Variants in DOCK1 observed in about 807,000 individuals in gnomAD.
DOCK1 encodes the protein dedicator of cytokinesis 1.
A neutral mutation model predicts 262.7 loss-of-function variants in DOCK1; 138 were observed. The observed-to-expected ratio is 0.53, with a 90% CI of 0.46 to 0.61. DOCK1 has a LOEUF of 0.61. Among genes scored for constraint, DOCK1 ranks in the 20% least tolerant of loss-of-function variants. DOCK1 has a pLI of 0.00. For synonymous variants in DOCK1, 866 were observed against 867.4 expected, an observed-to-expected ratio of 1.00 and a Z score of 0.03; for missense variants, 1,908 against 2,370.7, an observed-to-expected ratio of 0.80 and a Z score of 4.05.
chr10:127,312,844 A>C, intron 29 of DOCK1, among the ~76,000 whole-genome samples: 2 of 115,108 alleles, frequency 1.7e-5, no homozygotes, highest in Non-Finnish European at 1.8e-5. Flanking sequence ...CCTCCCTTCC[A>C]CTGAACAACT....
chr10:127,103,099 C>T (rs1564805138), intron 23 of DOCK1, among the ~76,000 whole-genome samples: 2 of 152,176 alleles, frequency 1.3e-5, no homozygotes, highest in East Asian at 1.9e-4. Flanking sequence ...GTGTCGTTCA[C>T]GTGCATCTGT....
At chr10:127,221,617 A>G (rs767301373) in intron 27 of DOCK1, among the ~76,000 whole-genome samples, 8 of 152,120 alleles carry the variant, frequency 5.3e-5, no homozygotes, top group Non-Finnish European at 8.8e-5. Context: ...CTCATAATAC[A>G]TGATGTAATT....
intron 29 of DOCK1, among the ~76,000 whole-genome samples, chr10:127,320,577 G>A (rs565444390): frequency 9.2e-5 from 14 of 152,310 alleles, no homozygotes; most frequent in African/African-American, 3.4e-4. Flanking sequence ...TGGGCTCAAG[G>A]CGGATGGAGT....
chr10:126,908,739 G>A (rs11245223), intron 1 of DOCK1, among the ~76,000 whole-genome samples: 55,261 of 151,954 alleles, frequency 0.36, 12,075 homozygotes, highest in Non-Finnish European at 0.5. Context: ...TCATGTTTAC[G>A]GGCCTGGCAT....
At chr10:127,422,723 G>A (rs1477947565) in intron 46 of DOCK1, among the ~76,000 whole-genome samples, 1 of 152,164 alleles carries the variant, frequency 6.6e-6, no homozygotes, top group Admixed American at 6.5e-5. Context: ...AAGTGGGAGA[G>A]AGTTTAAAAT....
At chr10:127,193,935 C>A (rs551338918) in intron 27 of DOCK1, among the ~76,000 whole-genome samples, 1 of 152,264 alleles carries the variant, frequency 6.6e-6, no homozygotes, top group South Asian at 2.1e-4. Context: ...GCCTTGTTAG[C>A]CTATTTCTTA....
At chr10:127,388,411 G>T (rs1337242759) in intron 38 of DOCK1, among the ~76,000 whole-genome samples, 1 of 152,190 alleles carries the variant, frequency 6.6e-6, no homozygotes, top group Non-Finnish European at 1.5e-5. Flanking sequence ...TGAAGAACAG[G>T]TGCTGGAAAG....
intron 46 of DOCK1, among the ~76,000 whole-genome samples, chr10:127,423,657 C>T (rs940040902): frequency 7.9e-5 from 12 of 152,106 alleles, no homozygotes; most frequent in African/African-American, 2.7e-4. Flanking sequence ...TTGAAATGTA[C>T]GAAGATGAAA....
intron 29 of DOCK1, among the ~76,000 whole-genome samples, chr10:127,258,379 T>G (rs2059900407): frequency 6.6e-6 from 1 of 152,262 alleles, no homozygotes; most frequent in African/African-American, 2.4e-5. Flanking sequence ...AAATGTTACA[T>G]AAGTGTAATC....
intron 28 of DOCK1, among the ~76,000 whole-genome samples, chr10:127,256,069 C>T (rs569059295): frequency 6.6e-6 from 1 of 152,284 alleles, no homozygotes; most frequent in African/African-American, 2.4e-5. Flanking sequence ...TTGATTTTGT[C>T]TGGGTCACTA....
intron 29 of DOCK1, among the ~76,000 whole-genome samples, chr10:127,270,525 TCCTC>T (rs1057038599): frequency 7.2e-5 from 11 of 152,050 alleles, no homozygotes; most frequent in African/African-American, 1.9e-4. Context: ...TGGCTGACTT[TCCTC>T]CCTCCCTCCC....
At chr10:127,402,009 T>C (rs2067254312) in intron 38 of DOCK1, among the ~76,000 whole-genome samples, 1 of 152,090 alleles carries the variant, frequency 6.6e-6, no homozygotes, top group Non-Finnish European at 1.5e-5. Flanking sequence ...GGCGCTACCG[T>C]CTTGTGGGAA....
chr10:127,016,110 G>A (rs1446616126), intron 12 of DOCK1: 2 of 152,244 alleles, frequency 1.3e-5, no homozygotes, highest in Admixed American at 6.5e-5. Flanking sequence ...AAGAGACCAT[G>A]GAGTTAGTGT....
intron 46 of DOCK1, among the ~76,000 whole-genome samples, chr10:127,421,176 A>G (rs1342051122): frequency 6.6e-6 from 1 of 152,032 alleles, no homozygotes; most frequent in Non-Finnish European, 1.5e-5. Flanking sequence ...ACCTTGGCCT[A>G]AGTGCTGGGA....
At chr10:127,431,657 G>A (rs1357578751) in intron 47 of DOCK1, among the ~76,000 whole-genome samples, 1 of 152,198 alleles carries the variant, frequency 6.6e-6, no homozygotes, top group Non-Finnish European at 1.5e-5. Flanking sequence ...GTCACTCAGA[G>A]CCAGTGGTCA....
intron 27 of DOCK1, among the ~76,000 whole-genome samples, chr10:127,152,953 G>A (rs1252635289): frequency 6.6e-6 from 1 of 152,192 alleles, no homozygotes; most frequent in Non-Finnish European, 1.5e-5. Flanking sequence ...AGAGAACCCT[G>A]ATGGGTTGAA....
In DOCK1 at chr10:127,283,471, T is replaced by A. The variant is rs535027522; in HGVS notation, c.3044+26042T>A. Among the ~76,000 whole-genome samples, 5 of 152,360 alleles carry A rather than the reference T, an allele frequency of 3.3e-5. No individual in the cohort carries two copies. The South Asian group carries it at 1.0e-3, about 32-fold the overall frequency. On this transcript the variant is annotated intron_variant, in intron 29 of 51. Coordinates refer to ENST00000623213, the MANE Select transcript of DOCK1 (RefSeq NM_001290223.2). ...ACTGAATAGTTTCCTTCCGATGCAT[T>A]ACATTCATTAGTTATAGAAGGAATA...
intron 23 of DOCK1, among the ~76,000 whole-genome samples, chr10:127,085,542 G>A (rs1274116954): frequency 1.3e-5 from 2 of 152,168 alleles, no homozygotes; most frequent in Non-Finnish European, 2.9e-5. Context: ...GGCGGATCAC[G>A]AGGTCAGGAG....
chr10:127,355,494 G>A (rs10764992), intron 32 of DOCK1, among the ~76,000 whole-genome samples: 25,579 of 152,114 alleles, frequency 0.17, 2,470 homozygotes, highest in Middle Eastern at 0.33. Flanking sequence ...AGGCCATGGG[G>A]TGCTGGTGGC....
Sources: gnomAD v4.1 joint callset for allele counts (sites outside exome capture counted in the v4.1 genomes callset) on GRCh38, gnomAD v4.1.1 for gene constraint, MANE v1.5 for transcripts, NCBI Gene and HGNC (gene_info 2026-07-23, HGNC 2026-07-21) for gene names.